The following COL26A1 variants were observed in gnomAD, a reference collection of about 807,000 sequenced individuals.
The protein encoded by COL26A1 is collagen alpha-1(XXVI) chain.
Under a neutral mutation model 59.3 loss-of-function variants are expected in COL26A1, and 41 were observed. The ratio of observed to expected loss-of-function variants is 0.69; its 90% CI spans 0.54 to 0.90. The LOEUF is 0.90. Among genes scored for constraint, COL26A1 ranks in the 40% least tolerant of loss-of-function variants. COL26A1 has a pLI of 0.00. For missense variants in COL26A1, 612 were observed against 602.3 expected (o/e 1.02, Z -0.17); for synonymous variants, 266 against 256.0 (o/e 1.04, Z -0.37).
intron 8 of COL26A1, 34 bp from the exon 9 acceptor site, chr7:101,549,137 G>A (rs1312061458): frequency 7.1e-7 from 1 of 1,417,858 alleles, no homozygotes; most frequent in Non-Finnish European, 9.6e-7. Context: ...CCCCCTCTCT[G>A]GCCCCAGGTG....
intron 10 of COL26A1, among the ~76,000 whole-genome samples, chr7:101,552,850 T>C (rs1795888159): frequency 1.3e-5 from 2 of 152,126 alleles, no homozygotes; most frequent in Admixed American, 1.3e-4. Flanking sequence ...GAGATTGCAG[T>C]GAGCCGAGAT....
intron 3 of COL26A1, among the ~76,000 whole-genome samples, chr7:101,506,084 T>A (rs151087548): frequency 1.3e-3 from 191 of 152,358 alleles, no homozygotes; most frequent in African/African-American, 4.2e-3. Flanking sequence ...CCTTTCCCTC[T>A]GCCCGAATGG....
chr7:101,485,008 A>C (rs1971532), intron 3 of COL26A1, among the ~76,000 whole-genome samples: 76,807 of 151,738 alleles, frequency 0.51, 20,717 homozygotes, highest in African/African-American at 0.68. Context: ...TGCGCCACCA[A>C]GCCTGGCAAA....
chr7:101,472,932 AGCCTTGCTGT>A (rs1562998408), intron 3 of COL26A1, among the ~76,000 whole-genome samples: 1 of 152,110 alleles, frequency 6.6e-6, no homozygotes, highest in African/African-American at 2.4e-5. Context: ...AGAATCCCTG[AGCCTTGCTGT>A]GCCTTTGTAG....
chr7:101,402,712 T>G (rs1792042810), intron 1 of COL26A1, among the ~76,000 whole-genome samples: 1 of 124,776 alleles, frequency 8.0e-6, no homozygotes, highest in Admixed American at 8.3e-5. Flanking sequence ...TTCATTTCTT[T>G]CTCTCTTTCT....
At chr7:101,439,904 C>T (rs1170941508) in intron 2 of COL26A1, among the ~76,000 whole-genome samples, 2 of 152,180 alleles carry the variant, frequency 1.3e-5, no homozygotes, top group Non-Finnish European at 2.9e-5. Context: ...GCAAAGTTGA[C>T]ACTACCATGT....
At chr7:101,470,153 G>A (rs1793861708) in intron 3 of COL26A1, among the ~76,000 whole-genome samples, 1 of 149,016 alleles carries the variant, frequency 6.7e-6, no homozygotes, top group South Asian at 2.2e-4. Flanking sequence ...CATCCAGGAT[G>A]GAGTGCAGTG....
At chr7:101,392,712 C>G (rs543435734) in intron 1 of COL26A1, among the ~76,000 whole-genome samples, 85 of 152,068 alleles carry the variant, frequency 5.6e-4, no homozygotes, top group African/African-American at 2.0e-3. Context: ...AAAAACCAGG[C>G]TTTTTGGTGA....
chr7:101,405,987 C>A (rs1792119893), intron 1 of COL26A1, among the ~76,000 whole-genome samples: 1 of 152,190 alleles, frequency 6.6e-6, no homozygotes, highest in Admixed American at 6.5e-5. Flanking sequence ...AGCTGAGAGG[C>A]TGGTGGCACG....
chr7:101,419,849 C>A, intron 1 of COL26A1, 128 bp from the exon 2 acceptor site: 1 of 908,200 alleles, frequency 1.1e-6, no homozygotes, highest in Non-Finnish European at 1.7e-6. Context: ...CAGTGGGCCC[C>A]CCATCCAAGA....
At chr7:101,376,725 G>C (rs1221469350) in intron 1 of COL26A1, among the ~76,000 whole-genome samples, 1 of 152,166 alleles carries the variant, frequency 6.6e-6, no homozygotes, top group Non-Finnish European at 1.5e-5. Context: ...ACTCCCAGCT[G>C]AACCTCAGCC....
chr7:101,497,340 G>C (rs141402382), intron 3 of COL26A1, among the ~76,000 whole-genome samples: 6 of 152,140 alleles, frequency 3.9e-5, no homozygotes, highest in African/African-American at 1.4e-4. Context: ...AACATGTACT[G>C]AGCACCTTGA....
At chr7:101,525,502 G>GTT (rs745987435) in intron 3 of COL26A1, among the ~76,000 whole-genome samples, 13 of 116,960 alleles carry the variant, frequency 1.1e-4, no homozygotes, top group Admixed American at 2.7e-4. Context: ...TGTTTTTTTG[G>GTT]TTTTTTTTTT....
At chr7:101,420,742 T>TCTCAC (rs1792498201) in intron 2 of COL26A1, among the ~76,000 whole-genome samples, 1 of 23,940 alleles carries the variant, frequency 4.2e-5, no homozygotes, top group African/African-American at 1.1e-4. Context: ...CCGCCCATAG[T>TCTCAC]CAGCCCTTCC....
intron 3 of COL26A1, among the ~76,000 whole-genome samples, chr7:101,508,104 T>C (rs755801915): frequency 1.3e-5 from 2 of 152,222 alleles, no homozygotes; most frequent in African/African-American, 4.8e-5. Flanking sequence ...TCCTTGTGCC[T>C]GCTCACATCT....
intron 6 of COL26A1, among the ~76,000 whole-genome samples, chr7:101,544,302 A>G (rs1453193004): frequency 5.3e-5 from 8 of 151,860 alleles, no homozygotes; most frequent in Admixed American, 5.2e-4. Flanking sequence ...ATCTCGGCTC[A>G]TTGCCACCTC....
Position 101,410,120 on chromosome 7 carries a change from ATTGG to A in COL26A1, c.159-9852_159-9849del, listed in dbSNP as rs1391234202. The stretch of plus-strand genomic sequence containing the variant: ...GGGGGCTAGGGAATGGGTGCTACTG[ATTGG>A]TTGGGCATGAACTCTTAAGGGTGTT... On this transcript the variant is annotated intron_variant, in intron 1 of 12. Coordinates refer to ENST00000313669, the MANE Select transcript of COL26A1 (RefSeq NM_001278563.3). 2.6e-5 allele frequency among the ~76,000 whole-genome samples: 4 copies of A among 151,764 alleles called. No homozygotes were observed. In the East Asian group the frequency reaches 7.7e-4, roughly 29 times the overall value.
intron 7 of COL26A1, among the ~76,000 whole-genome samples, chr7:101,546,396 A>G (rs1306987985): frequency 7.1e-6 from 1 of 140,194 alleles, no homozygotes; most frequent in Non-Finnish European, 1.5e-5. Flanking sequence ...CGCCACATCT[A>G]ACTAATTTTT....
At chr7:101,539,170 G>A (rs1415486397) in intron 4 of COL26A1, among the ~76,000 whole-genome samples, 1 of 152,154 alleles carries the variant, frequency 6.6e-6, no homozygotes, top group Non-Finnish European at 1.5e-5. Context: ...AGCAATCGTG[G>A]CCACTTTTGT....
Sources: allele counts gnomAD v4.1 joint callset (sites outside exome capture counted in the v4.1 genomes callset), GRCh38; gene constraint gnomAD v4.1.1; transcripts MANE v1.5; gene names NCBI Gene and HGNC (gene_info 2026-07-23, HGNC 2026-07-21).